Variants in TMA7B observed in about 807,000 individuals in gnomAD.
TMA7B encodes translation machinery-associated protein 7B.
At chr22:39,962,604 T>C in the TMA7B span, among the ~76,000 whole-genome samples, 1 of 152,182 alleles carries the variant, frequency 6.6e-6, no homozygotes, top group East Asian at 1.9e-4. Context: ...CTCTTGGGCC[T>C]TTGGTTTGCA....
the TMA7B span, among the ~76,000 whole-genome samples, chr22:39,961,114 A>AT: frequency 2.6e-5 from 4 of 151,888 alleles, no homozygotes; most frequent in Admixed American, 2.0e-4. Flanking sequence ...CCTGGCTAAT[A>AT]TTTTTTTAAC....
chr22:39,964,666 G>T, the TMA7B span: 2 of 517,196 alleles, frequency 3.9e-6, no homozygotes, highest in Non-Finnish European at 6.9e-6. Context: ...CCTATAGTTG[G>T]AATTAAGTGT....
the TMA7B span, among the ~76,000 whole-genome samples, chr22:39,963,570 A>C: frequency 1.3e-5 from 2 of 152,216 alleles, no homozygotes; most frequent in Non-Finnish European, 2.9e-5. Flanking sequence ...AAGTGATTGC[A>C]ATATGTTGAT....
chr22:39,963,730 C>T, the TMA7B span, among the ~76,000 whole-genome samples: 1 of 152,158 alleles, frequency 6.6e-6, no homozygotes, highest in Non-Finnish European at 1.5e-5. Flanking sequence ...CCTAAGAAAC[C>T]TCCATGGTCA....
At chr22:39,964,608 T>C in the TMA7B span, 1 of 733,226 alleles carries the variant, frequency 1.4e-6, no homozygotes, top group Admixed American at 2.0e-5. Flanking sequence ...ACCCTTTATT[T>C]CATCCGTATT....
the TMA7B span, among the ~76,000 whole-genome samples, chr22:39,962,631 T>A: frequency 6.6e-6 from 1 of 151,992 alleles, no homozygotes; most frequent in African/African-American, 2.4e-5. Context: ...TGACTCTGGC[T>A]TTTTCAGCTA....
At chr22:39,963,668 A>G in the TMA7B span, among the ~76,000 whole-genome samples, 1,435 of 152,254 alleles carry the variant, frequency 9.4e-3, 21 homozygotes, top group African/African-American at 0.033. Context: ...ATAAGATGAG[A>G]TTGAGGGTCA....
the TMA7B span, chr22:39,964,372 G>A: frequency 2.7e-6 from 2 of 727,288 alleles, no homozygotes; most frequent in East Asian, 2.6e-5. Flanking sequence ...GGCGGCAGGC[G>A]CCATGTCCAG....
the TMA7B span, among the ~76,000 whole-genome samples, chr22:39,962,488 T>A: frequency 2.6e-5 from 4 of 152,100 alleles, no homozygotes. Flanking sequence ...ATTATACATA[T>A]ATTTAACATG....
chr22:39,964,403 A>C, the TMA7B span: 11 of 791,006 alleles, frequency 1.4e-5, no homozygotes, highest in Non-Finnish European at 2.4e-5. Flanking sequence ...GGCAAGAAGA[A>C]GGCACTGAAA....
chr22:39,960,454 A>G, the TMA7B span: 1 of 398,822 alleles, frequency 2.5e-6, no homozygotes. Context: ...ATTTTCCTCT[A>G]CTTCATCTTT....
At chr22:39,964,064 C>T in the TMA7B span, 1 of 279,066 alleles carries the variant, frequency 3.6e-6, no homozygotes, top group Non-Finnish European at 6.8e-6. Flanking sequence ...TCTCCGAGAC[C>T]CTTTAAAATT....
chr22:39,964,335 T>A, the TMA7B span: 1 of 699,550 alleles, frequency 1.4e-6, no homozygotes. Flanking sequence ...AAAGAAGTTA[T>A]CGTCCAGTGG....
chr22:39,961,138 G>C, the TMA7B span, among the ~76,000 whole-genome samples: 1 of 151,964 alleles, frequency 6.6e-6, no homozygotes, highest in Admixed American at 6.6e-5. Context: ...TTTCTTTGTA[G>C]AGACTAGGTC....
chr22:39,962,382 A>G, the TMA7B span, among the ~76,000 whole-genome samples: 1 of 152,148 alleles, frequency 6.6e-6, no homozygotes, highest in Admixed American at 6.5e-5. Context: ...GATCGATCGC[A>G]CCACTGCACT....
chr22:39,962,248 C>A, the TMA7B span, among the ~76,000 whole-genome samples: 1 of 152,020 alleles, frequency 6.6e-6, no homozygotes, highest in East Asian at 1.9e-4. Flanking sequence ...ACTAGTGAGA[C>A]CTCATCTCTA....
chr22:39,962,400 G>A, the TMA7B span, among the ~76,000 whole-genome samples: 3 of 152,114 alleles, frequency 2.0e-5, no homozygotes, highest in East Asian at 5.8e-4. Context: ...ACTCTAGCCT[G>A]GGTGACAGAG....
At chr22:39,962,145 G>A in the TMA7B span, among the ~76,000 whole-genome samples, 673 of 152,288 alleles carry the variant, frequency 4.4e-3, 6 homozygotes, top group Middle Eastern at 0.017. Flanking sequence ...AGTCAGGGTC[G>A]GGCGCCGTGG....
the TMA7B span, among the ~76,000 whole-genome samples, chr22:39,962,638 G>C: frequency 2.0e-5 from 3 of 151,878 alleles, no homozygotes; most frequent in Non-Finnish European, 4.4e-5. Flanking sequence ...GGCTTTTTCA[G>C]CTAGAAACTA....
Sources: gnomAD v4.1 joint callset for allele counts (sites outside exome capture counted in the v4.1 genomes callset) on GRCh38, gnomAD v4.1.1 for gene constraint, MANE v1.5 for transcripts, NCBI Gene and HGNC (gene_info 2026-07-23, HGNC 2026-07-21) for gene names.